The following PNPT1 variants were observed in gnomAD, a reference collection of about 807,000 sequenced individuals.
PNPT1 encodes polyribonucleotide nucleotidyltransferase 1.
In PNPT1, 53 loss-of-function variants were observed where a neutral mutation model predicts 119.5. The observed-to-expected ratio is 0.44, with a 90% CI of 0.36 to 0.56. PNPT1 has a LOEUF of 0.56. Ranked by LOEUF, PNPT1 falls within the 20% of genes least tolerant of loss-of-function variation. The probability of loss-of-function intolerance (pLI) is 0.00; values close to 1 mark genes in which losing one functional copy is unlikely to be tolerated. For synonymous variants in PNPT1, 357 were observed against 322.1 expected (o/e 1.11, Z -1.16); for missense variants, 948 against 938.5 (o/e 1.01, Z -0.13).
rs550182742 is a variant in PNPT1, at chr2:55,690,607, T to C, written c.162-2902A>G. 3.3e-5 allele frequency among the ~76,000 whole-genome samples: 5 copies of C among 152,358 alleles called. No homozygotes were observed. In the South Asian group the frequency reaches 1.0e-3, roughly 32 times the overall value. ...ATTCAGTTAGACTCATTTTGTTAAG[T>C]TTGAAAGTCAGAACAAAGTATGTAC... On this transcript the variant is annotated intron_variant, in intron 1 of 27. Coordinates refer to ENST00000447944, the MANE Select transcript of PNPT1 (RefSeq NM_033109.5).
chr2:55,669,167 C>A (rs1696829409), intron 11 of PNPT1, among the ~76,000 whole-genome samples: 1 of 149,024 alleles, frequency 6.7e-6, no homozygotes, highest in Non-Finnish European at 1.5e-5. Context: ...AAGAGATAAC[C>A]ACTGAGTTTA....
chr2:55,641,763 T>C (rs1372966744), intron 25 of PNPT1, among the ~76,000 whole-genome samples: 1 of 152,190 alleles, frequency 6.6e-6, no homozygotes, highest in East Asian at 1.9e-4. Context: ...ATAATTTCCT[T>C]TTTCTTAAAA....
chr2:55,665,656 G>A (rs1013955191), intron 13 of PNPT1, among the ~76,000 whole-genome samples: 1 of 152,196 alleles, frequency 6.6e-6, no homozygotes, highest in South Asian at 2.1e-4. Context: ...CATTCATGTG[G>A]AAATAGTGCC....
At chr2:55,662,716 C>A (rs1300353359) in intron 13 of PNPT1, among the ~76,000 whole-genome samples, 2 of 152,008 alleles carry the variant, frequency 1.3e-5, no homozygotes, top group African/African-American at 4.8e-5. Context: ...AATCAGTCTT[C>A]TTTGTAGAGA....
chr2:55,687,365 A>C (rs1404089486), intron 2 of PNPT1, among the ~76,000 whole-genome samples: 1 of 151,976 alleles, frequency 6.6e-6, no homozygotes, highest in Non-Finnish European at 1.5e-5. Flanking sequence ...GCTTGAACCC[A>C]GGAGGCAGAG....
chr2:55,646,443 C>A lies in PNPT1; in HGVS notation c.1646G>T (p.Gly549Val). 1 of 1,612,760 alleles carries A rather than the reference C, an allele frequency of 6.2e-7. No homozygotes were observed. The highest frequency in any genetic ancestry group is 2.2e-5 in the East Asian group (1 of 44,772). The change falls in exon 20 of 28, where the codon GGC (glycine) becomes GTC (valine). Residue 549 changes from glycine (G) to valine (V), a missense_variant. By Grantham distance (109) the Gly-to-Val change is moderately radical. Coordinates refer to ENST00000447944, the MANE Select transcript of PNPT1 (RefSeq NM_033109.5). ...YNGDMDFKIA[G>V]TNKGITALQA... is the part of the protein sequence containing the mutation. ...TAATGCAGTTATTCCTTTATTAGTG[C>A]CAGCTATTTTGAAGTCCATGTCACC... is the stretch of plus-strand genomic sequence containing the variant.
chr2:55,688,655 G>C (rs1302615099), intron 1 of PNPT1, among the ~76,000 whole-genome samples: 1 of 152,056 alleles, frequency 6.6e-6, no homozygotes, highest in Non-Finnish European at 1.5e-5. Flanking sequence ...AACCCAGGAG[G>C]GGGAGGTTAC....
rs765303711 is a variant in PNPT1, at chr2:55,679,693, T to C, written c.668A>G (p.Lys223Arg). The C allele has an allele frequency of 1.9e-6, 3 of 1,605,652 alleles. No homozygotes were observed. In the South Asian group the frequency reaches 3.3e-5, roughly 18 times the overall value. The change falls in exon 8 of 28, where the codon AAA (lysine) becomes AGA (arginine). Residue 223 changes from lysine (K) to arginine (R), a missense_variant. By Grantham distance (26) the Lys-to-Arg change is conservative. Coordinates refer to ENST00000447944, the MANE Select transcript of PNPT1 (RefSeq NM_033109.5). ...TTAAAACAACTTACCAATCTGACTTTTAGGTGCTCCAGCAACCACTAAATT... is the reference window on the plus strand; with the variant it reads ...TTAAAACAACTTACCAATCTGACTTCTAGGTGCTCCAGCAACCACTAAATT... ...TLNLVVAGAP[K>R]SQIVMLEASA...
chr2:55,650,156 CTCTACCTCTACCTCTACCCACGG>C (rs1696126866), intron 18 of PNPT1, among the ~76,000 whole-genome samples: 3 of 152,078 alleles, frequency 2.0e-5, no homozygotes, highest in South Asian at 4.1e-4. Flanking sequence ...CTACCTCTAC[CTCTACCTCTACCTCTACCCACGG>C]TCTCCCTCTC....
intron 8 of PNPT1, among the ~76,000 whole-genome samples, chr2:55,677,081 T>C (rs985527115): frequency 7.9e-5 from 12 of 152,130 alleles, no homozygotes; most frequent in Admixed American, 2.6e-4. Context: ...TGCATGGAAA[T>C]AGTGATGCAA....
At chr2:55,689,315 G>T (rs1340024462) in intron 1 of PNPT1, among the ~76,000 whole-genome samples, 1 of 152,112 alleles carries the variant, frequency 6.6e-6, no homozygotes, top group African/African-American at 2.4e-5. Context: ...CATACAAATG[G>T]CCAGTAAGTA....
At chr2:55,663,911 C>G (rs1338241988) in intron 13 of PNPT1, among the ~76,000 whole-genome samples, 2 of 152,132 alleles carry the variant, frequency 1.3e-5, no homozygotes, top group African/African-American at 4.8e-5. Context: ...GGGGCATGAA[C>G]CCAGGAGGCG....
chr2:55,682,588 A>C (rs573969306), intron 5 of PNPT1, among the ~76,000 whole-genome samples: 3 of 152,234 alleles, frequency 2.0e-5, no homozygotes, highest in South Asian at 4.1e-4. Flanking sequence ...TACTGCAATA[A>C]TGTGCCTATG....
chr2:55,638,942 T>C (rs1305677286), intron 26 of PNPT1, among the ~76,000 whole-genome samples: 3 of 152,190 alleles, frequency 2.0e-5, no homozygotes, highest in East Asian at 3.9e-4. Context: ...GCCCAGCTAA[T>C]TTTTTCTATG....
chr2:55,660,953 A>G (rs1416543291), intron 14 of PNPT1, among the ~76,000 whole-genome samples: 1 of 152,116 alleles, frequency 6.6e-6, no homozygotes, highest in East Asian at 1.9e-4. Context: ...CAGGAAAAGG[A>G]GGGCCGAGCC....
In PNPT1 at chr2:55,685,019, T is replaced by G. The variant is rs1221887337; in HGVS notation, c.327A>C (p.Ala109=). The G allele has an allele frequency of 6.3e-7, 1 of 1,595,678 alleles. No individual in the cohort carries two copies. ...VVDYRQKAAA[A]GRIPTNYLRR... ...TCAGATAGTTTGTGGGAATTCTACC[T>G]GCTGCAGCAGCTTTTTGTCTGTAGT... The change falls in exon 4 of 28, where the codon GCA becomes GCC. Residue 109 remains alanine, a synonymous_variant. Coordinates refer to ENST00000447944, the MANE Select transcript of PNPT1 (RefSeq NM_033109.5).
intron 7 of PNPT1, among the ~76,000 whole-genome samples, chr2:55,680,511 G>A (rs555712054): frequency 2.2e-4 from 33 of 151,008 alleles, no homozygotes; most frequent in African/African-American, 7.5e-4. Context: ...CTGTAATACC[G>A]TAACATATGC....
intron 1 of PNPT1, 57 bp downstream of exon 1, chr2:55,693,600 TACGCTC>T (rs1403774245): frequency 2.5e-6 from 4 of 1,589,820 alleles, no homozygotes; most frequent in Non-Finnish European, 3.4e-6. Context: ...GGGAGATGAA[TACGCTC>T]AAGCTGGCTG....
chr2:55,649,398 A>C (rs1696103690), intron 18 of PNPT1, among the ~76,000 whole-genome samples: 2 of 152,360 alleles, frequency 1.3e-5, no homozygotes, highest in South Asian at 2.1e-4. Context: ...TGCCAGAATC[A>C]ACATTTCTTT....
Sources: allele counts gnomAD v4.1 joint callset (sites outside exome capture counted in the v4.1 genomes callset), GRCh38; gene constraint gnomAD v4.1.1; transcripts MANE v1.5; gene names NCBI Gene and HGNC (gene_info 2026-07-23, HGNC 2026-07-21).